DACH2: variants seen among roughly 807,000 people sequenced by gnomAD.
The protein encoded by DACH2 is dachshund homolog 2.
In DACH2, 17 loss-of-function variants were observed where a neutral mutation model predicts 35.8. That is an observed-to-expected ratio of 0.48 (90% confidence interval 0.33 to 0.71). The LOEUF is 0.71. Ranked by LOEUF, DACH2 falls within the 30% of genes least tolerant of loss-of-function variation. DACH2 has a pLI of 0.02. For synonymous variants in DACH2, 195 were observed against 177.3 expected, an observed-to-expected ratio of 1.10 and a Z score of -0.79; for missense variants, 469 against 472.7, an observed-to-expected ratio of 0.99 and a Z score of 0.07.
At chrX:86,525,877 C>A (rs967042776) in intron 3 of DACH2, among the ~76,000 whole-genome samples, 6 of 111,740 alleles carry the variant, frequency 5.4e-5, no homozygotes, top group African/African-American at 1.9e-4. Flanking sequence ...ATCCCTAGGG[C>A]CCATCCTTCA....
chrX:86,323,110 T>C (rs1369109198), intron 1 of DACH2, among the ~76,000 whole-genome samples: 1 of 112,230 alleles, frequency 8.9e-6, no homozygotes, highest in East Asian at 2.8e-4. Context: ...GGTGGAGGTG[T>C]AAGCCTTGAA....
At chrX:86,747,413 G>C (rs186561464) in intron 7 of DACH2, among the ~76,000 whole-genome samples, 1 of 110,887 alleles carries the variant, frequency 9.0e-6, no homozygotes, top group Non-Finnish European at 1.9e-5. Context: ...CTTCTTTAAA[G>C]TTTACTCCTC....
At chrX:86,283,264 A>C (rs941487203) in intron 1 of DACH2, among the ~76,000 whole-genome samples, 27 of 111,547 alleles carry the variant, frequency 2.4e-4, no homozygotes, top group Non-Finnish European at 4.1e-4. Context: ...AAATAGGGAC[A>C]CTTTTACACT....
rs759742596 is a variant in DACH2 at position 86,331,041 on chromosome X, A to G, written c.489-45783A>G. Among the ~76,000 whole-genome samples the G allele has an allele frequency of 8.1e-4, 90 of 111,652 alleles. 2 individuals carry two copies. The highest frequency in any genetic ancestry group is 2.8e-3 in the African/African-American group (85 of 30,809). ...GGGGAAAATGGGAAAGAAGGAGTAT[A>G]TTTTTCACTAGAGAATTATGATTCA... On this transcript the variant is annotated intron_variant, in intron 1 of 11. Transcript: ENST00000373125.
intron 3 of DACH2, among the ~76,000 whole-genome samples, chrX:86,545,486 T>C (rs2038944896): frequency 1.8e-5 from 2 of 111,869 alleles, no homozygotes; most frequent in Admixed American, 9.5e-5. Context: ...ATACAAACCC[T>C]TGTGATGTGC....
At chrX:86,262,164 C>A (rs1009261189) in intron 1 of DACH2, among the ~76,000 whole-genome samples, 1 of 109,529 alleles carries the variant, frequency 9.1e-6, no homozygotes, top group Non-Finnish European at 1.9e-5. Flanking sequence ...TGGCATGCCT[C>A]TGTAGTTCCA....
At chrX:86,238,710 T>C (rs1243267897) in intron 1 of DACH2, among the ~76,000 whole-genome samples, 1 of 110,668 alleles carries the variant, frequency 9.0e-6, no homozygotes, top group African/African-American at 3.3e-5. Context: ...TTGCATCATA[T>C]AATGAATGTG....
rs774463662 is a variant in DACH2, at chrX:86,555,770, T to TA, written c.640+41386dup. On this transcript the variant is annotated intron_variant, in intron 3 of 11. Coordinates refer to ENST00000373125, the MANE Select transcript of DACH2 (RefSeq NM_053281.3). ...CCAATAGGACATTTTTGTATGCATTTAAAAAAATGTAACATAAATATTTTA... is the reference window on the plus strand; with the variant it reads ...CCAATAGGACATTTTTGTATGCATTTAAAAAAAATGTAACATAAATATTTTA... Among the ~76,000 whole-genome samples the TA allele has an allele frequency of 1.8e-3, 200 of 111,533 alleles. 1 individual carries two copies. The highest frequency in any genetic ancestry group is 6.0e-3 in the African/African-American group (186 of 30,778).
chrX:86,705,063 A>ATC (rs754566440), intron 5 of DACH2, among the ~76,000 whole-genome samples: 3 of 104,658 alleles, frequency 2.9e-5, no homozygotes, highest in Admixed American at 1.0e-4. Flanking sequence ...ATATATATAT[A>ATC]TATCTCACAT....
At chrX:86,453,678 A>G (rs768748742) in intron 2 of DACH2, among the ~76,000 whole-genome samples, 7 of 109,075 alleles carry the variant, frequency 6.4e-5, no homozygotes, top group Non-Finnish European at 1.3e-4. Flanking sequence ...AAATTTTTTT[A>G]TTTCTTTATT....
chrX:86,678,646 G>A (rs1039650236), intron 4 of DACH2, among the ~76,000 whole-genome samples: 3 of 111,298 alleles, frequency 2.7e-5, no homozygotes, highest in South Asian at 3.7e-4. Flanking sequence ...AGGAGCATAT[G>A]AACTATAGAT....
chrX:86,714,659 A>G lies in DACH2; in HGVS notation c.1043A>G (p.Asn348Ser), dbSNP rs1289056503. Residue 348 changes from asparagine to serine, a missense_variant, in exon 6 of 12, where the codon AAC becomes AGC. By Grantham distance (46) the Asn-to-Ser change is conservative (BLOSUM62 1). Transcript: ENST00000373125. ...ATGAACCATCTCAATACTATTGCCA[A>G]CATGGCTGCTGCAGCACAGATTCAC... is the stretch of plus-strand genomic sequence containing the variant. ...NQMNHLNTIA[N>S]MAAAAQIHSP... The G allele has an allele frequency of 8.3e-7, 1 of 1,208,457 alleles. No individual in the cohort carries two copies. The highest frequency in any genetic ancestry group is 3.0e-5 in the East Asian group (1 of 33,783).
chrX:86,249,407 T>C (rs181620176), intron 1 of DACH2, among the ~76,000 whole-genome samples: 112 of 111,549 alleles, frequency 1.0e-3, no homozygotes, highest in African/African-American at 3.2e-3. Flanking sequence ...AACAGATACT[T>C]CTCTATAGAA....
intron 3 of DACH2, among the ~76,000 whole-genome samples, chrX:86,556,678 G>A (rs936684314): frequency 2.0e-5 from 2 of 100,477 alleles, no homozygotes; most frequent in African/African-American, 7.2e-5. Flanking sequence ...CTCTGCATAT[G>A]GGTCATTGGG....
chrX:86,380,681 A>G (rs745615834), intron 2 of DACH2, among the ~76,000 whole-genome samples: 1 of 110,508 alleles, frequency 9.0e-6, no homozygotes, highest in African/African-American at 3.3e-5. Context: ...TAATATTATG[A>G]CTAACAATAA....
At chrX:86,186,421 A>T in intron 1 of DACH2, among the ~76,000 whole-genome samples, 1 of 112,347 alleles carries the variant, frequency 8.9e-6, no homozygotes. Context: ...TTATTTATTG[A>T]ACTTATCAAT....
chrX:86,599,535 TCAA>T (rs1173413508), intron 3 of DACH2, among the ~76,000 whole-genome samples: 1 of 92,447 alleles, frequency 1.1e-5, no homozygotes, highest in South Asian at 5.2e-4. Context: ...TCTCTCTCTG[TCAA>T]CCAGCTGGAG....
intron 1 of DACH2, among the ~76,000 whole-genome samples, chrX:86,208,445 G>T (rs891945674): frequency 9.0e-6 from 1 of 111,091 alleles, no homozygotes; most frequent in Non-Finnish European, 1.9e-5. Context: ...TTTACCTTCT[G>T]TAAAATATGG....
intron 2 of DACH2, among the ~76,000 whole-genome samples, chrX:86,454,057 G>A (rs1182309354): frequency 9.0e-6 from 1 of 111,447 alleles, no homozygotes; most frequent in Non-Finnish European, 1.9e-5. Flanking sequence ...GGCTAGATAT[G>A]AAATTCTGGG....
Sources: allele counts gnomAD v4.1 joint callset (sites outside exome capture counted in the v4.1 genomes callset), GRCh38; gene constraint gnomAD v4.1.1; transcripts MANE v1.5; gene names NCBI Gene and HGNC (gene_info 2026-07-23, HGNC 2026-07-21).